Variants in RHPN2 observed in about 807,000 individuals in gnomAD.
The protein encoded by RHPN2 is rhophilin Rho GTPase binding protein 2.
A neutral mutation model predicts 79.0 loss-of-function variants in RHPN2; 40 were observed. That is an observed-to-expected ratio of 0.51 (90% CI 0.39 to 0.66). The LOEUF is 0.66. RHPN2 is among the 30% of genes least tolerant of loss of function. The pLI is 0.00. For missense variants in RHPN2, 686 were observed against 883.5 expected, an observed-to-expected ratio of 0.78 and a Z score of 2.83; for synonymous variants, 285 against 363.5, an observed-to-expected ratio of 0.78 and a Z score of 2.46.
chr19:33,016,319 C>T lies in RHPN2; in HGVS notation c.391-3595G>A, dbSNP rs557382264. Among the ~76,000 whole-genome samples the T allele has an allele frequency of 4.1e-4, 63 of 152,030 alleles. 1 individual carries two copies. The highest frequency in any genetic ancestry group is 1.4e-3 in the African/African-American group (59 of 41,492). ...CTCGACCTCTTGGGCTCAAGCAATC[C>T]ACCTCAACCTCCCAAGTAGCTGGGA... On this transcript the variant is annotated intron_variant, in intron 4 of 14. Transcript: ENST00000254260.
chr19:33,032,920 C>T (rs193044149), intron 2 of RHPN2, among the ~76,000 whole-genome samples: 3 of 152,176 alleles, frequency 2.0e-5, no homozygotes, highest in Non-Finnish European at 4.4e-5. Context: ...GACTTTGTGG[C>T]ATGCACTAGC....
chr19:33,055,722 A>G (rs1972226326), intron 1 of RHPN2, among the ~76,000 whole-genome samples: 1 of 131,038 alleles, frequency 7.6e-6, no homozygotes, highest in African/African-American at 3.4e-5. Context: ...GACTGCAAGG[A>G]GCTTCTGGGT....
chr19:33,036,706 G>A (rs1053754872), intron 2 of RHPN2, among the ~76,000 whole-genome samples: 13 of 152,216 alleles, frequency 8.5e-5, no homozygotes, highest in African/African-American at 1.9e-4. Flanking sequence ...CCAGGTGGGC[G>A]TGGGCTGGAC....
chr19:33,002,897 T>C lies in RHPN2; in HGVS notation c.864A>G (p.Gln288=). The C allele has an allele frequency of 6.2e-7, 1 of 1,613,988 alleles. No homozygotes were observed. ...GGCTGATTTTCTCAAACACGCTTTC[T>C]TGGGCTTGTGCAAGCATCATTTTGA... ...VLVKMMLAQA[Q]ESVFEKISLP... Residue 288 remains glutamine (Q), a synonymous_variant, in exon 8 of 15, where the codon CAA becomes CAG. Coordinates refer to ENST00000254260, the MANE Select transcript of RHPN2 (RefSeq NM_033103.5).
chr19:32,983,308 T>A (rs147060901), intron 14 of RHPN2, among the ~76,000 whole-genome samples: 2 of 151,998 alleles, frequency 1.3e-5, no homozygotes, highest in Admixed American at 6.6e-5. Context: ...GTCAGGAGAT[T>A]GAGACCATCG....
chr19:33,063,799 GCACCCGCCACCCGCCGCCCGCCGCCCGC>G (rs1972301926), intron 1 of RHPN2, among the ~76,000 whole-genome samples: 1 of 126,626 alleles, frequency 7.9e-6, no homozygotes, highest in Admixed American at 7.5e-5. Flanking sequence ...TGCGAGGCCG[GCACCCGCCACCCGCCGCCCGCCGCCCGC>G]CGCCCGCCGC....
intron 1 of RHPN2, among the ~76,000 whole-genome samples, chr19:33,056,259 T>C (rs189945375): frequency 1.3e-5 from 2 of 151,826 alleles, no homozygotes; most frequent in African/African-American, 2.4e-5. Context: ...ATTACAGGCA[T>C]GCACCACCAC....
intron 6 of RHPN2, among the ~76,000 whole-genome samples, chr19:33,010,458 T>C (rs1282541899): frequency 1.3e-5 from 2 of 149,588 alleles, no homozygotes; most frequent in Admixed American, 6.7e-5. Flanking sequence ...TCTTGGCTCA[T>C]TGCAACCTCT....
rs188147128 is a variant in RHPN2 at position 33,011,963 on chromosome 19, C to G, written c.469-160G>C. On this transcript the variant is annotated intron_variant, in intron 5 of 14. Coordinates refer to ENST00000254260, the MANE Select transcript of RHPN2 (RefSeq NM_033103.5). ...TAAACTCTGGGAGGGGTGGAAAGAA[C>G]CTGGGAGGAAGTCAGAAATCCTGGA... 3.6e-4 allele frequency among the ~76,000 whole-genome samples: 54 copies of G among 152,060 alleles called. No homozygotes were observed. In the East Asian group the frequency reaches 9.1e-3, roughly 26 times the overall value.
chr19:33,055,748 AC>A (rs1383809956), intron 1 of RHPN2, among the ~76,000 whole-genome samples: 1 of 142,054 alleles, frequency 7.0e-6, no homozygotes, highest in African/African-American at 2.7e-5. Context: ...AAAAAAAAAA[AC>A]AACAACAAAC....
At chr19:33,042,329 C>T (rs200436119) in intron 2 of RHPN2, among the ~76,000 whole-genome samples, 27 of 152,190 alleles carry the variant, frequency 1.8e-4, no homozygotes, top group Non-Finnish European at 3.7e-4. Context: ...TCAACCAGAA[C>T]CCTAGGCCAC....
intron 3 of RHPN2, among the ~76,000 whole-genome samples, chr19:33,021,881 GC>G (rs1219753132): frequency 6.6e-6 from 1 of 151,990 alleles, no homozygotes; most frequent in Non-Finnish European, 1.5e-5. Flanking sequence ...AACACATCAG[GC>G]CCCTGGCATC....
rs573153512 is a variant in RHPN2, at chr19:33,038,512, G to A, written c.185+5737C>T. Among the ~76,000 whole-genome samples, 150 of 151,836 alleles carry A rather than the reference G, an allele frequency of 9.9e-4. 2 individuals are homozygous for A. Among genetic ancestry groups the A allele is most frequent in the Admixed American group, 4.6e-4 (7 of 15,204 alleles). ...TTTATGTATTTATTTATTTTGAGAC[G>A]GAGTCTCGCTCTGTCACCCAGGCTG... On this transcript the variant is annotated intron_variant, in intron 2 of 14. Transcript: ENST00000254260.
intron 2 of RHPN2, among the ~76,000 whole-genome samples, chr19:33,034,783 C>CAAAAA (rs58456679): frequency 2.0e-5 from 1 of 50,886 alleles, no homozygotes; most frequent in Non-Finnish European, 3.7e-5. Context: ...GACTCCATCT[C>CAAAAA]AAAAAAAAAA....
At chr19:32,990,167 G>GAAAGAAAGAAAGAAAGAAAAAGAA (rs1491437447) in intron 14 of RHPN2, among the ~76,000 whole-genome samples, 2 of 144,782 alleles carry the variant, frequency 1.4e-5, no homozygotes, top group Non-Finnish European at 3.0e-5. Flanking sequence ...GAAAGAAAGA[G>GAAAGAAAGAAAGAAAGAAAAAGAA]CGAGCCAGGG....
intron 2 of RHPN2, among the ~76,000 whole-genome samples, chr19:33,028,396 A>G (rs1462296671): frequency 2.0e-5 from 3 of 152,148 alleles, no homozygotes; most frequent in African/African-American, 7.2e-5. Flanking sequence ...GGCTCAAGCA[A>G]TCTTCCTGCC....
intron 1 of RHPN2, among the ~76,000 whole-genome samples, chr19:33,060,668 G>C (rs1161459839): frequency 6.6e-6 from 1 of 152,120 alleles, no homozygotes; most frequent in Non-Finnish European, 1.5e-5. Context: ...GAGTATATGG[G>C]ATTACAGGAA....
In RHPN2 at chr19:33,011,712, G is replaced by A. The variant is rs1971836885; in HGVS notation, c.560C>T (p.Pro187Leu). 2 of 1,613,910 alleles carry A rather than the reference G, an allele frequency of 1.2e-6. No individual in the cohort carries two copies. Among genetic ancestry groups the A allele is most frequent in the South Asian group, 2.2e-5 (2 of 91,080 alleles). The change falls in exon 6 of 15, where the codon CCG (proline) becomes CTG (leucine). Residue 187 changes from proline (P) to leucine (L), a missense_variant. Transcript: ENST00000254260. ...QLGFVESRFF[P>L]PTRQMGLLFT... Reference sequence around the variant, plus strand: ...CAGGAGTCCCATCTGCCGTGTGGGCGGGAAGAATCGACTCTCGACAAAGCC... The same window carrying A: ...CAGGAGTCCCATCTGCCGTGTGGGCAGGAAGAATCGACTCTCGACAAAGCC...
chr19:33,013,338 G>T (rs572103906), intron 4 of RHPN2, among the ~76,000 whole-genome samples: 2 of 152,114 alleles, frequency 1.3e-5, no homozygotes, highest in African/African-American at 4.8e-5. Flanking sequence ...GGGATTACAG[G>T]CATGTGCCAC....
Sources: allele counts gnomAD v4.1 joint callset (sites outside exome capture counted in the v4.1 genomes callset), GRCh38; gene constraint gnomAD v4.1.1; transcripts MANE v1.5; gene names NCBI Gene and HGNC (gene_info 2026-07-23, HGNC 2026-07-21).